VPS41: variants seen among roughly 807,000 people sequenced by gnomAD.
VPS41 encodes vacuolar protein sorting-associated protein 41 homolog.
A neutral mutation model predicts 130.9 loss-of-function variants in VPS41; 85 were observed. The ratio of observed to expected loss-of-function variants is 0.65; its 90% CI spans 0.55 to 0.78. The LOEUF is 0.78. VPS41 is among the 30% of genes least tolerant of loss of function. VPS41 has a pLI of 0.00. For synonymous variants in VPS41, 335 were observed against 332.9 expected, an observed-to-expected ratio of 1.01 and a Z score of -0.07; for missense variants, 874 against 1,018.7, an observed-to-expected ratio of 0.86 and a Z score of 1.93.
At chr7:38,835,823 A>G (rs1785479055) in intron 4 of VPS41, among the ~76,000 whole-genome samples, 1 of 151,752 alleles carries the variant, frequency 6.6e-6, no homozygotes, top group Non-Finnish European at 1.5e-5. Flanking sequence ...ATTTTGGTCC[A>G]GATACTAGAT....
At chr7:38,862,471 G>A in intron 4 of VPS41, 74 bp downstream of exon 4, 2 of 937,368 alleles carry the variant, frequency 2.1e-6, no homozygotes, top group Non-Finnish European at 1.6e-6. Context: ...AAACAAACTG[G>A]TAAACCAATA....
intron 4 of VPS41, among the ~76,000 whole-genome samples, chr7:38,853,414 T>G (rs10229445): frequency 0.93 from 127,127 of 136,670 alleles, 59,274 homozygotes; most frequent in East Asian, 1. Flanking sequence ...GCGAGACTCC[T>G]TCTCAAAAAA....
At chr7:38,746,688 C>T (rs1391755496) in intron 22 of VPS41, among the ~76,000 whole-genome samples, 1 of 152,062 alleles carries the variant, frequency 6.6e-6, no homozygotes, top group Non-Finnish European at 1.5e-5. Flanking sequence ...TCATACCCTG[C>T]CTACAAAACT....
chr7:38,853,257 A>C (rs1380133685), intron 4 of VPS41, among the ~76,000 whole-genome samples: 5 of 151,974 alleles, frequency 3.3e-5, no homozygotes, highest in African/African-American at 1.2e-4. Context: ...ATCTCTACTA[A>C]AAATACAAAA....
intron 4 of VPS41, among the ~76,000 whole-genome samples, chr7:38,860,061 G>A (rs766044651): frequency 4.6e-5 from 7 of 152,114 alleles, no homozygotes; most frequent in East Asian, 3.9e-4. Flanking sequence ...AAAGATGGCC[G>A]TATAAAACAG....
intron 25 of VPS41, among the ~76,000 whole-genome samples, chr7:38,729,262 T>C (rs1333726809): frequency 6.6e-6 from 1 of 152,164 alleles, no homozygotes; most frequent in African/African-American, 2.4e-5. Flanking sequence ...ACTGCACAAA[T>C]AAGTACTGGG....
intron 1 of VPS41, among the ~76,000 whole-genome samples, chr7:38,900,214 G>A (rs529040682): frequency 1.6e-4 from 24 of 152,166 alleles, no homozygotes; most frequent in Admixed American, 4.6e-4. Flanking sequence ...CTGTGATTGC[G>A]TCACTGCGTT....
At chr7:38,886,959 C>G (rs1191888508) in intron 2 of VPS41, among the ~76,000 whole-genome samples, 1 of 152,180 alleles carries the variant, frequency 6.6e-6, no homozygotes, top group African/African-American at 2.4e-5. Context: ...GGAAAACTAA[C>G]AAACAGAAAG....
At chr7:38,830,709 G>A (rs1036544756) in intron 4 of VPS41, among the ~76,000 whole-genome samples, 11 of 152,306 alleles carry the variant, frequency 7.2e-5, no homozygotes, top group African/African-American at 2.2e-4. Context: ...GCTATGGAAA[G>A]ACATTTTGAC....
rs796458939 is a variant in VPS41, at chr7:38,794,971, T to C, written c.717+494A>G. ...TCAGATAATTAAACTTCAGAAAATA[T>C]GCCCAAATCTTATTATTGATGATAA... is the stretch of plus-strand genomic sequence containing the variant. On this transcript the variant is annotated intron_variant, in intron 9 of 28. Transcript: ENST00000310301. Among the ~76,000 whole-genome samples the C allele has an allele frequency of 2.6e-5, 4 of 152,158 alleles. No homozygotes were observed. The South Asian group carries it at 8.3e-4, about 32-fold the overall frequency.
chr7:38,735,005 T>A (rs189722495), intron 25 of VPS41, among the ~76,000 whole-genome samples: 36 of 152,240 alleles, frequency 2.4e-4, no homozygotes, highest in Non-Finnish European at 3.7e-4. Flanking sequence ...GGGAAAGAGA[T>A]CCTAAGGTCT....
chr7:38,776,740 A>C lies in VPS41; in HGVS notation c.821T>G (p.Leu274Arg), dbSNP rs759790591. 6.2e-7 allele frequency: 1 copy of C among 1,612,226 alleles called. No individual in the cohort carries two copies. The highest frequency in any genetic ancestry group is 8.5e-7 in the Non-Finnish European group (1 of 1,178,532). ...QFETEFYISG[L>R]APLCDQLVVL... ...AACAAGCTGATCACAGAGAGGTGCA[A>C]GTCCACTGATGTAGAATTCAGTTTC... The change falls in exon 11 of 29, where the codon CTT becomes CGT. Residue 274 changes from leucine to arginine, a missense_variant. Physicochemically the swap from Leu to Arg is moderately radical, Grantham distance 102 (BLOSUM62 -2). Transcript: ENST00000310301.
At chr7:38,772,341 T>A (rs530158082) in intron 13 of VPS41, among the ~76,000 whole-genome samples, 181 bp downstream of exon 13, 2 of 152,188 alleles carry the variant, frequency 1.3e-5, no homozygotes, top group Non-Finnish European at 2.9e-5. Context: ...AGTCAATCCA[T>A]TGCAATCTTT....
Position 38,754,757 on chromosome 7 carries a change from A to G in VPS41, c.1738-5T>C. ...TTCTTCCACTACCTTTTTAATCTAG[A>G]TAAAAAAGAAAAGTTTCAAGGTGGA... On this transcript the variant is annotated splice_polypyrimidine_tract_variant and splice_region_variant and intron_variant, in intron 20 of 28. Coordinates refer to ENST00000310301, the MANE Select transcript of VPS41 (RefSeq NM_014396.4). The G allele has an allele frequency of 6.8e-6, 11 of 1,612,786 alleles. No homozygotes were observed. The highest frequency in any genetic ancestry group is 9.3e-6 in the Non-Finnish European group (11 of 1,179,214).
At chr7:38,778,527 A>G (rs1320652376) in intron 10 of VPS41, among the ~76,000 whole-genome samples, 1 of 152,216 alleles carries the variant, frequency 6.6e-6, no homozygotes, top group African/African-American at 2.4e-5. Context: ...AGACATATTA[A>G]CAAGAGGTTT....
At chr7:38,844,122 T>C (rs1185283030) in intron 4 of VPS41, among the ~76,000 whole-genome samples, 1 of 152,242 alleles carries the variant, frequency 6.6e-6, no homozygotes, top group Non-Finnish European at 1.5e-5. Context: ...ATTACATGTC[T>C]ACTATTTGAG....
chr7:38,790,808 C>T (rs1231533571), intron 9 of VPS41, among the ~76,000 whole-genome samples: 2 of 152,324 alleles, frequency 1.3e-5, no homozygotes, highest in South Asian at 2.1e-4. Flanking sequence ...ATGTACTATA[C>T]TTAATCAACC....
intron 2 of VPS41, among the ~76,000 whole-genome samples, chr7:38,896,023 T>C (rs758597611): frequency 6.6e-6 from 1 of 152,206 alleles, no homozygotes; most frequent in Non-Finnish European, 1.5e-5. Flanking sequence ...TGGATGTTTA[T>C]TTTCCCACTT....
At position 38,777,737 on chromosome 7, in the gene VPS41, T is replaced by C. The variant is rs1159344974; in HGVS notation, c.785-961A>G. The stretch of plus-strand genomic sequence containing the variant: ...GGTTCTGTGGTATTAGCTGCAGATT[T>C]AGTTAACTTCCACACTCTTTTCCCA... On this transcript the variant is annotated intron_variant, in intron 10 of 28. Coordinates refer to ENST00000310301, the MANE Select transcript of VPS41 (RefSeq NM_014396.4). Among the ~76,000 whole-genome samples, 54 of 152,216 alleles carry C rather than the reference T, an allele frequency of 3.5e-4. 1 individual carries two copies. Among genetic ancestry groups the C allele is most frequent in the Admixed American group, 3.5e-3 (54 of 15,284 alleles).
Sources: allele counts gnomAD v4.1 joint callset (sites outside exome capture counted in the v4.1 genomes callset), GRCh38; gene constraint gnomAD v4.1.1; transcripts MANE v1.5; gene names NCBI Gene and HGNC (gene_info 2026-07-23, HGNC 2026-07-21).